The following SLC43A2 variants were observed in gnomAD, a reference collection of about 807,000 sequenced individuals.
SLC43A2 encodes solute carrier family 43 member 2, also known as large neutral amino acids transporter small subunit 4.
A neutral mutation model predicts 63.2 loss-of-function variants in SLC43A2; 38 were observed. That is an observed-to-expected ratio of 0.60 (90% CI 0.46 to 0.79). The LOEUF is 0.79. Among genes scored for constraint, SLC43A2 ranks in the 30% least tolerant of loss-of-function variants. The pLI is 0.00. For synonymous variants in SLC43A2, 322 were observed against 331.0 expected, an observed-to-expected ratio of 0.97 and a Z score of 0.30; for missense variants, 644 against 756.2, an observed-to-expected ratio of 0.85 and a Z score of 1.74.
chr17:1,575,583 G>A lies in SLC43A2; in HGVS notation c.*21C>T, dbSNP rs1475880481. The A allele has an allele frequency of 6.8e-6, 11 of 1,613,798 alleles. No individual in the cohort carries two copies. The highest frequency in any genetic ancestry group is 1.1e-5 in the South Asian group (1 of 91,086). ...GTCACTGAAGCACAGGCAGGAGACCGCAGTTCCGAGGCGGCAGCCACTACA... is the reference window on the plus strand; with the variant it reads ...GTCACTGAAGCACAGGCAGGAGACCACAGTTCCGAGGCGGCAGCCACTACA... On this transcript the variant is annotated 3_prime_UTR_variant, in exon 14 of 14. Transcript: ENST00000301335.
intron 5 of SLC43A2, among the ~76,000 whole-genome samples, chr17:1,594,489 C>G (rs184861740): frequency 3.9e-5 from 6 of 152,206 alleles, no homozygotes; most frequent in Non-Finnish European, 8.8e-5. Flanking sequence ...CCATGCCAAC[C>G]TATTTCATTA....
At chr17:1,576,516 G>GCCCGGCCGGGGTAATAC in intron 13 of SLC43A2, 81 bp downstream of exon 13, 1 of 1,476,512 alleles carries the variant, frequency 6.8e-7, no homozygotes, top group East Asian at 2.3e-5. Flanking sequence ...GGGCCCTGAA[G>GCCCGGCCGGGGTAATAC]CCCCCGAGGG....
At chr17:1,596,579 A>G (rs1905293278) in intron 5 of SLC43A2, among the ~76,000 whole-genome samples, 1 of 152,084 alleles carries the variant, frequency 6.6e-6, no homozygotes, top group African/African-American at 2.4e-5. Flanking sequence ...TAAAAAGATA[A>G]ATAACCAATT....
chr17:1,583,357 C>T lies in SLC43A2; in HGVS notation c.1218-21G>A. ...CGCCTCTGTGGAGACACAGAACGTG[C>T]AGGGGTGGGAGGGCTCCCCGGAGGA... On this transcript the variant is annotated intron_variant, in intron 10 of 13. Transcript: ENST00000301335. This position sits in a 1 kb window ranked among gnomAD's most constrained non-coding sequence, Gnocchi z 5.5. 1 of 1,613,048 alleles carries T rather than the reference C, an allele frequency of 6.2e-7. No homozygotes were observed. The highest frequency in any genetic ancestry group is 1.3e-5 in the African/African-American group (1 of 75,038).
At chr17:1,627,016 G>GA (rs1908719947) in intron 2 of SLC43A2, among the ~76,000 whole-genome samples, 1 of 152,280 alleles carries the variant, frequency 6.6e-6, no homozygotes, top group East Asian at 1.9e-4. Context: ...AGCATCCTCA[G>GA]CCTGCCTTCA....
At chr17:1,618,547 C>T (rs1050865430) in intron 2 of SLC43A2, among the ~76,000 whole-genome samples, 8 of 152,346 alleles carry the variant, frequency 5.3e-5, no homozygotes, top group South Asian at 2.1e-4. Flanking sequence ...AGCACAGTCC[C>T]GTCAGCGTGT....
At position 1,575,919 on chromosome 17, in the gene SLC43A2, C is replaced by G. The variant is rs527270830; in HGVS notation, c.1549-154G>C. 5.3e-5 allele frequency among the ~76,000 whole-genome samples: 8 copies of G among 152,290 alleles called. No homozygotes were observed. The East Asian group carries it at 1.4e-3, about 26-fold the overall frequency. On this transcript the variant is annotated intron_variant, in intron 13 of 13. Coordinates refer to ENST00000301335, the MANE Select transcript of SLC43A2 (RefSeq NM_152346.3). ...CACGAGGTCCCATATGCCAGCGTCC[C>G]GGTTCCCAACTCTTCACAGGCCATG...
rs2075870862 is a variant in SLC43A2 at position 1,573,126 on chromosome 17, T to A, written c.*2478A>T. On this transcript the variant is annotated 3_prime_UTR_variant, in exon 14 of 14. Coordinates refer to ENST00000301335, the MANE Select transcript of SLC43A2 (RefSeq NM_152346.3). ...ATGAGTTGGAGGCCGTGGTGAGCTA[T>A]CAGTTGCACCACTGCACTCCAGCCT... 1 of 133,714 alleles carries A rather than the reference T, an allele frequency of 7.5e-6. No individual in the cohort carries two copies. The highest frequency in any genetic ancestry group is 3.0e-5 in the African/African-American group (1 of 33,760). The allele number at this position is 133,714 out of a possible 1,614,324, so 8.3% of individuals were successfully genotyped here.
intron 6 of SLC43A2, among the ~76,000 whole-genome samples, chr17:1,592,030 G>A (rs930580457): frequency 3.9e-5 from 6 of 152,206 alleles, no homozygotes; most frequent in East Asian, 1.9e-4. Flanking sequence ...CTGGTCCGTC[G>A]GCTTGTCTGG....
At chr17:1,579,936 CT>C (rs749797885) in intron 11 of SLC43A2, among the ~76,000 whole-genome samples, 464 of 144,594 alleles carry the variant, frequency 3.2e-3, no homozygotes, top group African/African-American at 4.5e-3. Context: ...TCAGGCTTTC[CT>C]TTTTTTTTTT....
chr17:1,581,932 G>T (rs1023754145), intron 11 of SLC43A2, among the ~76,000 whole-genome samples: 8 of 150,316 alleles, frequency 5.3e-5, no homozygotes, highest in African/African-American at 2.0e-4. Flanking sequence ...CAGCCCTCCT[G>T]AGTAGCTGGG....
At chr17:1,613,374 G>A (rs1907304374) in intron 4 of SLC43A2, 103 bp from the exon 5 acceptor site, 3 of 978,018 alleles carry the variant, frequency 3.1e-6, no homozygotes. Flanking sequence ...AGTAAATCCA[G>A]TAAACGCAGG....
chr17:1,594,601 T>G (rs1905102033), intron 5 of SLC43A2, among the ~76,000 whole-genome samples: 1 of 147,206 alleles, frequency 6.8e-6, no homozygotes, highest in Non-Finnish European at 1.5e-5. Flanking sequence ...TTTTTTTTTT[T>G]TTTTGAGACG....
In SLC43A2 at chr17:1,591,240, G is replaced by A. The variant is rs750880700; in HGVS notation, c.931+29C>T. On this transcript the variant is annotated intron_variant, in intron 8 of 13. Transcript: ENST00000301335. ...GATACCCACAGAGCACTCCCTGCCC[G>A]TCGCCCGGCTGCGGTCTCAGGCGGG... The A allele has an allele frequency of 3.9e-5, 63 of 1,597,522 alleles. No individual in the cohort carries two copies. In the African/African-American group the frequency reaches 6.3e-4, roughly 16 times the overall value.
At chr17:1,597,145 G>A (rs1598461467) in intron 5 of SLC43A2, among the ~76,000 whole-genome samples, 2 of 151,954 alleles carry the variant, frequency 1.3e-5, no homozygotes, top group Non-Finnish European at 2.9e-5. Flanking sequence ...GAACCCAGGC[G>A]GGGGTTGCAG....
At chr17:1,591,033 C>G in intron 8 of SLC43A2, 85 bp from the exon 9 acceptor site, 1 of 1,445,532 alleles carries the variant, frequency 6.9e-7, no homozygotes, top group Non-Finnish European at 9.4e-7. Flanking sequence ...ACGCTGGAGG[C>G]CAGGAGGGGG....
chr17:1,615,673 C>G (rs1350303620), intron 3 of SLC43A2, among the ~76,000 whole-genome samples: 1 of 149,676 alleles, frequency 6.7e-6, no homozygotes, highest in Non-Finnish European at 1.5e-5. Context: ...GAAACCCCGT[C>G]TCTACTAAAA....
chr17:1,605,356 G>A lies in SLC43A2; in HGVS notation c.501+7839C>T, dbSNP rs370324596. On this transcript the variant is annotated intron_variant, in intron 5 of 13. Transcript: ENST00000301335. The surrounding 1 kb of genome is among the most constrained non-coding windows in gnomAD (Gnocchi z 4.9). Reference sequence around the variant, plus strand: ...ATTCTGGCCATAGAGCATGACCACCGGACAGGAGTGCCTGCAGGGCCAAGG... The same window carrying A: ...ATTCTGGCCATAGAGCATGACCACCAGACAGGAGTGCCTGCAGGGCCAAGG... The A allele has an allele frequency of 8.1e-5, 35 of 429,580 alleles. No individual in the cohort carries two copies. In the East Asian group the frequency reaches 3.7e-3, roughly 45 times the overall value. The allele number at this position is 429,580 out of a possible 1,614,324, so 26.6% of individuals were successfully genotyped here.
intron 3 of SLC43A2, chr17:1,616,333 C>A: frequency 3.6e-6 from 2 of 553,998 alleles, no homozygotes; most frequent in Non-Finnish European, 6.4e-6. Context: ...AGCTCCGGTC[C>A]CTGGGCGGCC....
Sources: gnomAD v4.1 joint callset for allele counts (sites outside exome capture counted in the v4.1 genomes callset) on GRCh38, gnomAD v4.1.1 for gene constraint, Gnocchi (gnomAD v3.1) non-coding constraint, MANE v1.5 for transcripts, NCBI Gene and HGNC (gene_info 2026-07-23, HGNC 2026-07-21) for gene names.